Variants in RORA observed in about 807,000 individuals in gnomAD.
The protein encoded by RORA is nuclear receptor ROR-alpha.
RORA carries 7 observed loss-of-function variants against 69.5 expected under a neutral mutation model. The ratio of observed to expected loss-of-function variants is 0.10; its 90% CI spans 0.06 to 0.19. The LOEUF (loss-of-function observed/expected upper bound fraction) is 0.19. Ranked by LOEUF, RORA falls within the 10% of genes least tolerant of loss-of-function variation. The probability of loss-of-function intolerance (pLI) is 1.00; values close to 1 mark genes in which losing one functional copy is unlikely to be tolerated. For synonymous variants in RORA, 261 were observed against 240.8 expected (o/e 1.08, Z -0.78); for missense variants, 457 against 663.0 (o/e 0.69, Z 3.41).
At chr15:61,060,451 G>A (rs2078167560) in intron 1 of RORA, among the ~76,000 whole-genome samples, 1 of 152,164 alleles carries the variant, frequency 6.6e-6, no homozygotes, top group African/African-American at 2.4e-5. Flanking sequence ...CTTGCCATGG[G>A]TGCCTTTCAG....
intron 2 of RORA, among the ~76,000 whole-genome samples, chr15:60,551,084 A>C (rs1336496158): frequency 6.6e-6 from 1 of 152,134 alleles, no homozygotes; most frequent in African/African-American, 2.4e-5. Context: ...AGTATTGCAG[A>C]GTGAAATCAA....
At chr15:60,525,094 A>C (rs373668911) in intron 3 of RORA, among the ~76,000 whole-genome samples, 60 of 146,568 alleles carry the variant, frequency 4.1e-4, no homozygotes, top group African/African-American at 1.5e-3. Flanking sequence ...ACAACAAAAC[A>C]AACACGCAAA....
At chr15:61,210,964 T>C (rs2079985756) in intron 1 of RORA, among the ~76,000 whole-genome samples, 1 of 152,224 alleles carries the variant, frequency 6.6e-6, no homozygotes. Context: ...GCGAAAGCAG[T>C]CAAGCCGGAG....
intron 1 of RORA, among the ~76,000 whole-genome samples, chr15:61,205,215 G>GAA (rs2079929620): frequency 6.6e-6 from 1 of 152,222 alleles, no homozygotes; most frequent in South Asian, 2.1e-4. Context: ...GAGCCTGGCT[G>GAA]AATAAAGCCA....
chr15:61,125,257 C>T (rs1204443504), intron 1 of RORA, among the ~76,000 whole-genome samples: 3 of 152,140 alleles, frequency 2.0e-5, no homozygotes, highest in African/African-American at 7.2e-5. Context: ...TACTAAAAAA[C>T]GTGACACTGA....
chr15:61,199,120 G>A (rs2079872712), intron 1 of RORA, among the ~76,000 whole-genome samples: 1 of 152,158 alleles, frequency 6.6e-6, no homozygotes, highest in African/African-American at 2.4e-5. Flanking sequence ...AGCAAGTGAT[G>A]GCCCCAAGTA....
intron 1 of RORA, among the ~76,000 whole-genome samples, chr15:61,091,768 A>G (rs574918829): frequency 2.6e-5 from 4 of 152,216 alleles, no homozygotes; most frequent in Non-Finnish European, 5.9e-5. Context: ...TAAGTATTTT[A>G]TACCCATCCA....
chr15:60,516,178 T>C (rs1321458471), intron 3 of RORA, among the ~76,000 whole-genome samples: 1 of 26,936 alleles, frequency 3.7e-5, no homozygotes, highest in Admixed American at 6.3e-4. Flanking sequence ...TATATTTATA[T>C]ATATATTTAT....
At chr15:60,680,970 A>T (rs2070634009) in intron 1 of RORA, among the ~76,000 whole-genome samples, 1 of 152,046 alleles carries the variant, frequency 6.6e-6, no homozygotes, top group South Asian at 2.1e-4. Flanking sequence ...ATGATATTTA[A>T]TTTTTTTTAA....
chr15:61,055,558 T>C (rs1438360172), intron 1 of RORA, among the ~76,000 whole-genome samples: 3 of 152,248 alleles, frequency 2.0e-5, no homozygotes, highest in Non-Finnish European at 2.9e-5. Flanking sequence ...GTTCAGGTCC[T>C]GTGCCAGGCC....
chr15:61,056,108 G>A (rs912181174), intron 1 of RORA, among the ~76,000 whole-genome samples: 44 of 152,148 alleles, frequency 2.9e-4, no homozygotes, highest in African/African-American at 1.0e-3. Flanking sequence ...GACATATTAA[G>A]AATGAAAGCA....
intron 1 of RORA, among the ~76,000 whole-genome samples, chr15:61,072,267 C>CT (rs2078378659): frequency 6.6e-6 from 1 of 152,078 alleles, no homozygotes; most frequent in Admixed American, 6.5e-5. Flanking sequence ...TATATGCCCC[C>CT]TCTTCTCAGT....
rs139428164 is a variant in RORA at position 60,534,490 on chromosome 15, CAG to C, written c.197-2641_197-2640del. On this transcript the variant is annotated intron_variant, in intron 2 of 10. Coordinates refer to ENST00000335670, the MANE Select transcript of RORA (RefSeq NM_134261.3). The surrounding 1 kb of genome is among the most constrained non-coding windows in gnomAD (Gnocchi z 5.0). The stretch of plus-strand genomic sequence containing the variant: ...CTGTAGATTGACTTGTATTTCCAAA[CAG>C]GGGGGCCATTCACTTAGATCTTTGT... Among the ~76,000 whole-genome samples, 7,157 of 152,070 alleles carry C rather than the reference CAG, an allele frequency of 0.047. 596 individuals are homozygous for C. The highest frequency in any genetic ancestry group is 0.17 in the African/African-American group (6,873 of 41,424).
intron 1 of RORA, among the ~76,000 whole-genome samples, chr15:60,970,319 C>T (rs982256609): frequency 2.6e-5 from 4 of 152,214 alleles, no homozygotes; most frequent in Admixed American, 6.5e-5. Flanking sequence ...AAAGGCTTAA[C>T]GAGTGTCAGC....
intron 1 of RORA, among the ~76,000 whole-genome samples, chr15:60,836,425 A>G (rs2073116407): frequency 6.6e-6 from 1 of 152,156 alleles, no homozygotes; most frequent in South Asian, 2.1e-4. Context: ...TCCTTGCCAC[A>G]GACTCCTCCC....
At chr15:60,857,350 G>A (rs997038589) in intron 1 of RORA, among the ~76,000 whole-genome samples, 1 of 152,068 alleles carries the variant, frequency 6.6e-6, no homozygotes, top group African/African-American at 2.4e-5. Flanking sequence ...CCACGAAGAA[G>A]CCCGAGACTG....
chr15:61,211,662 T>C (rs2079993010), intron 1 of RORA, among the ~76,000 whole-genome samples: 1 of 152,138 alleles, frequency 6.6e-6, no homozygotes, highest in African/African-American at 2.4e-5. Flanking sequence ...AACAGGGAGC[T>C]CAGTGATGGC....
At chr15:61,080,892 C>T (rs1171253102) in intron 1 of RORA, among the ~76,000 whole-genome samples, 1 of 152,194 alleles carries the variant, frequency 6.6e-6, no homozygotes, top group Admixed American at 6.5e-5. Flanking sequence ...GCTTCATCCT[C>T]ACCCCTACAT....
intron 1 of RORA, chr15:60,736,808 T>C (rs950117276): frequency 6.6e-6 from 1 of 152,222 alleles, no homozygotes; most frequent in Non-Finnish European, 1.5e-5. Context: ...CGATCTTGTC[T>C]GATCTTGGAA....
Sources: allele counts gnomAD v4.1 joint callset (sites outside exome capture counted in the v4.1 genomes callset), GRCh38; gene constraint gnomAD v4.1.1; non-coding constraint Gnocchi (gnomAD v3.1); transcripts MANE v1.5; gene names NCBI Gene and HGNC (gene_info 2026-07-23, HGNC 2026-07-21).